CLINT1: variants seen among roughly 807,000 people sequenced by gnomAD.
CLINT1 encodes the protein clathrin interacting protein localized in the trans-Golgi region.
Under a neutral mutation model 70.4 loss-of-function variants are expected in CLINT1, and 15 were observed. The ratio of observed to expected loss-of-function variants is 0.21; its 90% CI spans 0.14 to 0.33. The LOEUF is 0.33. CLINT1 is among the 10% of genes least tolerant of loss of function. The probability of loss-of-function intolerance (pLI) is 1.00; values close to 1 mark genes in which losing one functional copy is unlikely to be tolerated. For synonymous variants in CLINT1, 227 were observed against 254.7 expected (o/e 0.89, Z 1.04); for missense variants, 615 against 778.1 (o/e 0.79, Z 2.49).
At chr5:157,818,710 G>A (rs1211273322) in intron 1 of CLINT1, among the ~76,000 whole-genome samples, 1 of 151,926 alleles carries the variant, frequency 6.6e-6, no homozygotes, top group Non-Finnish European at 1.5e-5. Flanking sequence ...AAAACATTAT[G>A]TAATATTTTT....
chr5:157,816,477 A>C (rs1440970495), intron 3 of CLINT1, among the ~76,000 whole-genome samples: 2 of 152,176 alleles, frequency 1.3e-5, no homozygotes, highest in Non-Finnish European at 2.9e-5. Context: ...TATTTTTGAT[A>C]TGCACAAACA....
intron 8 of CLINT1, among the ~76,000 whole-genome samples, chr5:157,802,530 C>G (rs932572854): frequency 6.7e-6 from 1 of 150,138 alleles, no homozygotes; most frequent in Non-Finnish European, 1.5e-5. Flanking sequence ...AGTTCTTTTG[C>G]TGTAGCCCTC....
chr5:157,830,768 CT>C (rs1763206031), intron 1 of CLINT1, among the ~76,000 whole-genome samples: 1 of 115,362 alleles, frequency 8.7e-6, no homozygotes, highest in Non-Finnish European at 1.8e-5. Flanking sequence ...CTCTCTCTCT[CT>C]CTCTCTCTCT....
chr5:157,850,735 T>A (rs1205616951), intron 1 of CLINT1, among the ~76,000 whole-genome samples: 1 of 151,652 alleles, frequency 6.6e-6, no homozygotes, highest in East Asian at 1.9e-4. Flanking sequence ...AAAATTAGTA[T>A]GAGAAAAATT....
chr5:157,830,782 C>CTCTG (rs1763208091), intron 1 of CLINT1, among the ~76,000 whole-genome samples: 1 of 133,200 alleles, frequency 7.5e-6, no homozygotes, highest in South Asian at 2.6e-4. Flanking sequence ...CTCTCTCTCT[C>CTCTG]TCTCTCTCTC....
intron 8 of CLINT1, among the ~76,000 whole-genome samples, chr5:157,800,687 T>G (rs1385344917): frequency 1.3e-5 from 2 of 152,200 alleles, no homozygotes; most frequent in African/African-American, 4.8e-5. Context: ...GCAAGAAACC[T>G]CCTAGATTTC....
chr5:157,805,193 T>C (rs1762350073), intron 7 of CLINT1, among the ~76,000 whole-genome samples: 1 of 152,214 alleles, frequency 6.6e-6, no homozygotes, highest in Non-Finnish European at 1.5e-5. Flanking sequence ...TCCCAGCTTT[T>C]AGCTATTTCT....
intron 1 of CLINT1, among the ~76,000 whole-genome samples, chr5:157,830,105 C>T (rs998835039): frequency 5.9e-5 from 9 of 151,726 alleles, no homozygotes; most frequent in African/African-American, 9.7e-5. Flanking sequence ...CATGCCACCA[C>T]GCCAGTTAGT....
intron 1 of CLINT1, among the ~76,000 whole-genome samples, chr5:157,855,560 C>G (rs1343895902): frequency 6.6e-6 from 1 of 152,142 alleles, no homozygotes; most frequent in Non-Finnish European, 1.5e-5. Context: ...TCCCTCAGTT[C>G]CACAATGTTC....
chr5:157,814,047 C>A, intron 4 of CLINT1, 138 bp downstream of exon 4: 1 of 631,228 alleles, frequency 1.6e-6, no homozygotes, highest in Non-Finnish European at 2.8e-6. Context: ...TAGGGCCCCA[C>A]GTCTTGGATT....
intron 1 of CLINT1, among the ~76,000 whole-genome samples, chr5:157,847,321 T>C (rs547564941): frequency 2.6e-4 from 40 of 152,226 alleles, no homozygotes; most frequent in African/African-American, 8.9e-4. Context: ...CTCAGCAACA[T>C]AGCGAAACCT....
chr5:157,807,748 A>C (rs1762429848), intron 6 of CLINT1, among the ~76,000 whole-genome samples: 1 of 152,146 alleles, frequency 6.6e-6, no homozygotes, highest in Non-Finnish European at 1.5e-5. Context: ...TCATGGGAGA[A>C]ACAGAAATAA....
At chr5:157,799,630 A>G (rs1454950367) in intron 8 of CLINT1, among the ~76,000 whole-genome samples, 1 of 152,118 alleles carries the variant, frequency 6.6e-6, no homozygotes. Flanking sequence ...AAGAGGTGAG[A>G]TAAACTAAAA....
chr5:157,851,856 C>A (rs979375016), intron 1 of CLINT1, among the ~76,000 whole-genome samples: 5 of 152,094 alleles, frequency 3.3e-5, no homozygotes, highest in African/African-American at 7.2e-5. Flanking sequence ...TAAATTGGCT[C>A]AAACATAGGA....
intron 1 of CLINT1, among the ~76,000 whole-genome samples, chr5:157,848,019 T>C (rs1753440666): frequency 6.6e-6 from 1 of 152,138 alleles, no homozygotes; most frequent in African/African-American, 2.4e-5. Flanking sequence ...ATTGCTCAGG[T>C]TGGTCTTCAA....
chr5:157,800,180 T>C (rs1240376672), intron 8 of CLINT1, among the ~76,000 whole-genome samples: 1 of 152,170 alleles, frequency 6.6e-6, no homozygotes, highest in African/African-American at 2.4e-5. Context: ...CTTGGTAAGA[T>C]ATTCTACAAT....
chr5:157,805,350 CTATGGTAA>C (rs2113175084), intron 7 of CLINT1, among the ~76,000 whole-genome samples: 1 of 152,272 alleles, frequency 6.6e-6, no homozygotes, highest in Admixed American at 6.5e-5. Flanking sequence ...GATTTCATCT[CTATGGTAA>C]ATAAAAACAA....
At chr5:157,813,375 A>G (rs1762618823) in intron 4 of CLINT1, 148 bp from the exon 5 acceptor site, 1 of 778,970 alleles carries the variant, frequency 1.3e-6, no homozygotes, top group African/African-American at 1.8e-5. Flanking sequence ...GTGCTATTTA[A>G]CTTTGTCATT....
chr5:157,813,128 T>C lies in CLINT1; in HGVS notation c.452A>G (p.Lys151Arg). The change falls in exon 5 of 12, where the codon AAA becomes AGA. Residue 151 changes from lysine (K) to arginine (R), a missense_variant. Lys to Arg is a conservative substitution (Grantham distance 26). Transcript: ENST00000411809. Reference protein sequence around the residue: ...DDDRLREERKKAKKNKDKYVG... With the variant: ...DDDRLREERKRAKKNKDKYVG... ...ATACTTGTCTTTGTTCTTCTTTGCT[T>C]TCTTTCGCTCTTCACGAAGCCTGTC... 1.2e-6 allele frequency: 2 copies of C among 1,613,908 alleles called. No homozygotes were observed. Among genetic ancestry groups the C allele is most frequent in the Non-Finnish European group, 1.7e-6 (2 of 1,179,826 alleles).
Sources: gnomAD v4.1 joint callset for allele counts (sites outside exome capture counted in the v4.1 genomes callset) on GRCh38, gnomAD v4.1.1 for gene constraint, MANE v1.5 for transcripts, NCBI Gene and HGNC (gene_info 2026-07-23, HGNC 2026-07-21) for gene names.